The following TRO variants were observed in gnomAD, a reference collection of about 807,000 sequenced individuals.
TRO encodes the protein trophinin.
Under a neutral mutation model 42.3 loss-of-function variants are expected in TRO, and 29 were observed. That is an observed-to-expected ratio of 0.68 (90% CI 0.51 to 0.93). TRO has a LOEUF of 0.93. Among genes scored for constraint, TRO ranks in the 40% least tolerant of loss-of-function variants. TRO has a pLI of 0.00. For synonymous variants in TRO, 384 were observed against 425.2 expected, an observed-to-expected ratio of 0.90 and a Z score of 1.19; for missense variants, 963 against 1,127.7, an observed-to-expected ratio of 0.85 and a Z score of 2.09.
chrX:54,922,875 A>G lies in TRO; in HGVS notation c.343A>G (p.Ile115Val). 1 of 1,211,495 alleles carries G rather than the reference A, an allele frequency of 8.3e-7. No homozygotes were observed. ...QALNLPVITQISQALPTTEVT... is the reference protein window; with the variant it reads ...QALNLPVITQVSQALPTTEVT... ...TTTAAACCTGCCAGTCATTACCCAG[A>G]TCAGCCAGGCTTTACCTACCACTGA... The change falls in exon 3 of 13, where the codon ATC becomes GTC. Residue 115 changes from isoleucine to valine, a missense_variant. Physicochemically the swap from Ile to Val is conservative, Grantham distance 29. Transcript: ENST00000173898.
rs1466976147 is a variant in TRO, at chrX:54,930,442, G to A, written c.3718G>A (p.Asp1240Asn). The A allele has an allele frequency of 1.7e-6, 2 of 1,210,190 alleles. No homozygotes were observed. The highest frequency in any genetic ancestry group is 2.2e-6 in the Non-Finnish European group (2 of 895,197). Residue 1240 changes from aspartate to asparagine, a missense_variant, in exon 12 of 13, where the codon GAT (aspartate) becomes AAT (asparagine). Around this residue, in one of 2 missense-constraint regions of TRO, gnomAD observed 641 missense variants for 811.3 expected, o/e 0.79. Transcript: ENST00000173898. ...SGGLSTSSGF[D>N]GGLGTSAGFG... ...TGGCCTAAGCACAAGTTCTGGCTTT[G>A]ATGGTGGGCTAGGTACCAGCGCTGG...
At position 54,928,765 on chromosome X, in the gene TRO, G is replaced by A. The variant is rs771170341; in HGVS notation, c.2041G>A (p.Asp681Asn). ...AGCTGTGGCTGGGCCCTGGAATTGG[G>A]ATGACATGGATATCGACTGCCTAAC... ...EEAVAGPWNW[D>N]DMDIDCLTRE... The change falls in exon 12 of 13, where the codon GAT becomes AAT. Residue 681 changes from aspartate (D) to asparagine (N), a missense_variant. Coordinates refer to ENST00000173898, the MANE Select transcript of TRO (RefSeq NM_001039705.3). 1 of 1,210,520 alleles carries A rather than the reference G, an allele frequency of 8.3e-7. No individual in the cohort carries two copies. The highest frequency in any genetic ancestry group is 1.1e-6 in the Non-Finnish European group (1 of 894,844).
rs1932908886 is a variant in TRO at position 54,929,366 on chromosome X, G to A, written c.2642G>A (p.Ser881Asn). Residue 881 changes from serine (S) to asparagine (N), a missense_variant, in exon 12 of 13, where the codon AGT (serine) becomes AAT (asparagine). Ser to Asn is a conservative substitution (Grantham distance 46). Coordinates refer to ENST00000173898, the MANE Select transcript of TRO (RefSeq NM_001039705.3). ...SAPTTSTVFS[S>N]ALSTSTGFGG... ...CCCACAACGAGCACAGTCTTCAGTAGTGCGCTTAGCACCAGCACTGGCTTT... is the reference window on the plus strand; with the variant it reads ...CCCACAACGAGCACAGTCTTCAGTAATGCGCTTAGCACCAGCACTGGCTTT... 8.3e-7 allele frequency: 1 copy of A among 1,211,075 alleles called. No individual in the cohort carries two copies. Among genetic ancestry groups the A allele is most frequent in the African/African-American group, 1.7e-5 (1 of 57,405 alleles).
Position 54,923,380 on chromosome X carries a change from C to T in TRO, c.848C>T (p.Ala283Val), listed in dbSNP as rs1472633403. ...ATAGAGGCTCTAAATGTCACTGACG[C>T]AGCTACCAGGCAGATTGAGGCCTCA... ...EHIEALNVTD[A>V]ATRQIEASVV... Residue 283 changes from alanine (A) to valine (V), a missense_variant, in exon 3 of 13, where the codon GCA becomes GTA. Physicochemically the swap from Ala to Val is moderately conservative, Grantham distance 64. Around this residue, in one of 2 missense-constraint regions of TRO, gnomAD observed 322 missense variants for 316.5 expected, o/e 1.02. Coordinates refer to ENST00000173898, the MANE Select transcript of TRO (RefSeq NM_001039705.3). The T allele has an allele frequency of 2.3e-5, 28 of 1,205,439 alleles. No individual in the cohort carries two copies. Among genetic ancestry groups the T allele is most frequent in the Non-Finnish European group, 3.1e-5 (28 of 892,057 alleles).
intron 3 of TRO, 31 bp from the exon 4 acceptor site, chrX:54,924,420 C>G: frequency 8.6e-7 from 1 of 1,158,007 alleles, no homozygotes; most frequent in Non-Finnish European, 1.2e-6. Context: ...CACCTGGTGA[C>G]TCTGGACCTT....
At position 54,928,652 on chromosome X, in the gene TRO, T is replaced by C; in HGVS notation, c.1928T>C (p.Val643Ala). 8.4e-7 allele frequency: 1 copy of C among 1,194,356 alleles called. No homozygotes were observed. The highest frequency in any genetic ancestry group is 2.3e-4 in the Middle Eastern group (1 of 4,257). Reference sequence around the variant, plus strand: ...TGGGCTGTGCAGTACCGCGAGGCAGTGGAGATGGAAGTCCAAGCTGCAGCT... The same window carrying C: ...TGGGCTGTGCAGTACCGCGAGGCAGCGGAGATGGAAGTCCAAGCTGCAGCT... ...KDWAVQYREA[V>A]EMEVQAAAVA... The change falls in exon 12 of 13, where the codon GTG (valine) becomes GCG (alanine). Residue 643 changes from valine to alanine, a missense_variant. Coordinates refer to ENST00000173898, the MANE Select transcript of TRO (RefSeq NM_001039705.3).
At chrX:54,926,004 T>C (rs902240533) in intron 7 of TRO, among the ~76,000 whole-genome samples, 1 of 111,877 alleles carries the variant, frequency 8.9e-6, no homozygotes, top group Non-Finnish European at 1.9e-5. Context: ...ACAGAGTGGT[T>C]CTCAAGGAGG....
rs1932942737 is a variant in TRO at position 54,929,736 on chromosome X, C to T, written c.3012C>T (p.Ser1004=). Residue 1004 remains serine, a synonymous_variant, in exon 12 of 13, where the codon AGC becomes AGT. Transcript: ENST00000173898. ...STSADFGGTL[S]TSVCFGGSPG... is the part of the protein sequence containing the mutation. ...GTGCTGACTTTGGCGGTACACTAAG[C>T]ACCAGTGTCTGCTTTGGTGGCTCTC... 2 of 1,210,218 alleles carry T rather than the reference C, an allele frequency of 1.7e-6. No homozygotes were observed. The highest frequency in any genetic ancestry group is 3.0e-5 in the East Asian group (1 of 33,761).
At chrX:54,926,354 C>T in intron 7 of TRO, 56 bp from the exon 8 acceptor site, 1 of 1,137,727 alleles carries the variant, frequency 8.8e-7, no homozygotes, top group Non-Finnish European at 1.2e-6. Flanking sequence ...GAAACATAAA[C>T]CTTCTTTCTG....
At chrX:54,927,608 C>G in intron 10 of TRO, 59 bp from the exon 11 acceptor site, 1 of 961,881 alleles carries the variant, frequency 1.0e-6, no homozygotes, top group Non-Finnish European at 1.5e-6. Flanking sequence ...CACCTGGTGT[C>G]TAGTGCTTAG....
intron 11 of TRO, among the ~76,000 whole-genome samples, chrX:54,928,103 C>T: frequency 8.9e-6 from 1 of 112,585 alleles, no homozygotes; most frequent in Admixed American, 9.4e-5. Flanking sequence ...CTGTTGAAGG[C>T]TCTCTTCCTG....
At chrX:54,924,223 C>T (rs911250875) in intron 3 of TRO, among the ~76,000 whole-genome samples, 1 of 112,110 alleles carries the variant, frequency 8.9e-6, no homozygotes, top group Non-Finnish European at 1.9e-5. Flanking sequence ...AGGCTCTTAT[C>T]TTGAGTTGTT....
rs1439699508 is a variant in TRO at position 54,926,414 on chromosome X, A to G, written c.1582A>G (p.Lys528Glu). ...ESSAGILGTT[K>E]DTPKLGLLMV... ...TCTGTCCTGTTATTCCCTTAGGACC[A>G]AGGACACACCCAAGCTGGGTCTCCT... The change falls in exon 8 of 13, where the codon AAG becomes GAG. Residue 528 changes from lysine (K) to glutamate (E), a missense_variant. Physicochemically the swap from Lys to Glu is moderately conservative, Grantham distance 56 (BLOSUM62 1). Around this residue, in one of 2 missense-constraint regions of TRO, gnomAD observed 641 missense variants for 811.3 expected, o/e 0.79. Coordinates refer to ENST00000173898, the MANE Select transcript of TRO (RefSeq NM_001039705.3). 2.2e-5 allele frequency: 27 copies of G among 1,209,481 alleles called. No homozygotes were observed. Among genetic ancestry groups the G allele is most frequent in the Non-Finnish European group, 2.8e-5 (25 of 894,416 alleles).
In TRO at chrX:54,928,813, G is replaced by A. The variant is rs1050010; in HGVS notation, c.2089G>A (p.Ala697Thr). ...AACAAGGGAAGAGTTAGGCGATGAT[G>A]CTCAGGCCTGGAGCAGATTTTCATT... is the stretch of plus-strand genomic sequence containing the variant. ...CLTREELGDD[A>T]QAWSRFSFEI... The change falls in exon 12 of 13, where the codon GCT (alanine) becomes ACT (threonine). Residue 697 changes from alanine to threonine, a missense_variant. Physicochemically the swap from Ala to Thr is moderately conservative, Grantham distance 58. This residue lies in a region of TRO where 641 missense variants were observed against 811.3 expected (regional missense o/e 0.79). Coordinates refer to ENST00000173898, the MANE Select transcript of TRO (RefSeq NM_001039705.3). 277 of 1,210,435 alleles carry A rather than the reference G, an allele frequency of 2.3e-4. No homozygotes were observed. The highest frequency in any genetic ancestry group is 1.6e-3 in the Middle Eastern group (7 of 4,351).
Position 54,930,718 on chromosome X carries a change from A to G in TRO, c.3994A>G (p.Ser1332Gly), listed in dbSNP as rs966180976. Reference sequence around the variant, plus strand: ...TAATGCCAGCTTCGACAGAGGACTGAGTACCATCATTGGCTTTGGCAGTGG... The same window carrying G: ...TAATGCCAGCTTCGACAGAGGACTGGGTACCATCATTGGCTTTGGCAGTGG... ...RPNASFDRGL[S>G]TIIGFGSGSN... Residue 1332 changes from serine (S) to glycine (G), a missense_variant, in exon 12 of 13, where the codon AGT (serine) becomes GGT (glycine). Physicochemically the swap from Ser to Gly is moderately conservative, Grantham distance 56 (BLOSUM62 0). Around this residue, in one of 2 missense-constraint regions of TRO, gnomAD observed 641 missense variants for 811.3 expected, o/e 0.79. Coordinates refer to ENST00000173898, the MANE Select transcript of TRO (RefSeq NM_001039705.3). 5 of 1,210,622 alleles carry G rather than the reference A, an allele frequency of 4.1e-6. No individual in the cohort carries two copies. The African/African-American group carries it at 8.7e-5, about 21-fold the overall frequency.
chrX:54,924,756 C>T, intron 5 of TRO, 23 bp downstream of exon 5: 1 of 1,200,006 alleles, frequency 8.3e-7, no homozygotes, highest in South Asian at 1.8e-5. Context: ...CAACCCTCCT[C>T]CTTGAGCTCT....
Position 54,929,327 on chromosome X carries a change from G to T in TRO, c.2603G>T (p.Ser868Ile). 1 of 1,212,352 alleles carries T rather than the reference G, an allele frequency of 8.2e-7. No homozygotes were observed. The highest frequency in any genetic ancestry group is 1.7e-5 in the African/African-American group (1 of 57,987). Residue 868 changes from serine to isoleucine, a missense_variant, in exon 12 of 13, where the codon AGC (serine) becomes ATC (isoleucine). Ser to Ile is a moderately radical substitution (Grantham distance 142). Transcript: ENST00000173898. Reference sequence around the variant, plus strand: ...AGTGGTGTACTCAGCACTAGCACCAGCTTTGGCAGTGCACCCACAACGAGC... The same window carrying T: ...AGTGGTGTACTCAGCACTAGCACCATCTTTGGCAGTGCACCCACAACGAGC... ...GFSGVLSTST[S>I]FGSAPTTSTV...
chrX:54,924,526 C>T lies in TRO; in HGVS notation c.1312C>T (p.Pro438Ser). The T allele has an allele frequency of 8.3e-7, 1 of 1,209,274 alleles. No homozygotes were observed. Among genetic ancestry groups the T allele is most frequent in the Non-Finnish European group, 1.1e-6 (1 of 894,276 alleles). Residue 438 changes from proline to serine, a missense_variant, in exon 4 of 13, where the codon CCG becomes TCG. This residue lies in a region of TRO where 641 missense variants were observed against 811.3 expected (regional missense o/e 0.79). Coordinates refer to ENST00000173898, the MANE Select transcript of TRO (RefSeq NM_001039705.3). ...RIPWGRRPAP[P>S]RDVAILQERA... ...CCCATGGGGCCGGAGGCCTGCACCA[C>T]CGCGAGATGTGGCCATTTTACAAGA...
chrX:54,923,699 G>C lies in TRO; in HGVS notation c.1167G>C (p.Leu389=). Residue 389 remains leucine, a synonymous_variant, in exon 3 of 13, where the codon CTG becomes CTC. Transcript: ENST00000173898. ...ETQVAAAVQA[L]ADDYLAQLSL... ...AGGTTGCTGCTGCTGTCCAGGCCCT[G>C]GCAGATGACTATCTGGCTCAGTTGA... The C allele has an allele frequency of 8.3e-7, 1 of 1,211,480 alleles. No homozygotes were observed. Among genetic ancestry groups the C allele is most frequent in the Non-Finnish European group, 1.1e-6 (1 of 895,241 alleles).
Sources: allele counts gnomAD v4.1 joint callset (sites outside exome capture counted in the v4.1 genomes callset), GRCh38; gene constraint gnomAD v4.1.1; regional missense constraint gnomAD v4.1.1; transcripts MANE v1.5; gene names NCBI Gene and HGNC (gene_info 2026-07-23, HGNC 2026-07-21).